MEI4: variants seen among roughly 807,000 people sequenced by gnomAD.
MEI4 encodes meiosis-specific protein MEI4.
A neutral mutation model predicts 31.4 loss-of-function variants in MEI4; 27 were observed. That is an observed-to-expected ratio of 0.86 (90% CI 0.63 to 1.19). The LOEUF is 1.19. Ranked by LOEUF, MEI4 falls within the 50% of genes most tolerant of loss-of-function variation. The probability of loss-of-function intolerance (pLI) is 0.00; values close to 1 mark genes in which losing one functional copy is unlikely to be tolerated. For missense variants in MEI4, 329 were observed against 398.9 expected (o/e 0.82, Z 1.49); for synonymous variants, 122 against 145.4 (o/e 0.84, Z 1.16).
At chr6:77,704,874 T>C (rs2127657792) in intron 2 of MEI4, among the ~76,000 whole-genome samples, 1 of 152,230 alleles carries the variant, frequency 6.6e-6, no homozygotes, top group South Asian at 2.1e-4. Context: ...GGCCGGCTTC[T>C]GAAAGATTTC....
At chr6:77,664,562 T>C (rs888914444) in intron 1 of MEI4, among the ~76,000 whole-genome samples, 18 of 151,156 alleles carry the variant, frequency 1.2e-4, no homozygotes, top group Admixed American at 4.0e-4. Context: ...GGTGGAGGAG[T>C]GGAGGCTGAG....
intron 3 of MEI4, among the ~76,000 whole-genome samples, chr6:77,792,401 G>C (rs1291221779): frequency 6.6e-6 from 1 of 152,096 alleles, no homozygotes; most frequent in East Asian, 1.9e-4. Flanking sequence ...TATAATGACA[G>C]TACTGATTTA....
At chr6:77,765,722 A>G (rs921737229) in intron 3 of MEI4, among the ~76,000 whole-genome samples, 1 of 150,256 alleles carries the variant, frequency 6.7e-6, no homozygotes, top group Non-Finnish European at 1.5e-5. Flanking sequence ...ATGCTGCTAT[A>G]AAGACACATG....
chr6:77,733,869 C>T (rs1037365480), intron 2 of MEI4, among the ~76,000 whole-genome samples: 1 of 152,030 alleles, frequency 6.6e-6, no homozygotes, highest in South Asian at 2.1e-4. Flanking sequence ...TTATTTCTGC[C>T]TTCATTTTGT....
At chr6:77,775,401 C>T (rs1768414853) in intron 3 of MEI4, among the ~76,000 whole-genome samples, 1 of 152,108 alleles carries the variant, frequency 6.6e-6, no homozygotes, top group Non-Finnish European at 1.5e-5. Flanking sequence ...GTCTTCATAG[C>T]ATAGCTCCCA....
chr6:77,894,871 A>G (rs1438164336), intron 4 of MEI4, among the ~76,000 whole-genome samples: 1 of 152,110 alleles, frequency 6.6e-6, no homozygotes, highest in Non-Finnish European at 1.5e-5. Context: ...TGGCTCCTGT[A>G]TTTTGCCTGG....
Position 77,923,443 on chromosome 6 carries a change from AT to A in MEI4, c.*101del, listed in dbSNP as rs1766759144. The A allele has an allele frequency of 2.1e-6, 2 of 940,186 alleles. No individual in the cohort carries two copies. The highest frequency in any genetic ancestry group is 5.6e-5 in the South Asian group (1 of 17,942). The allele number at this position is 940,186 out of a possible 1,614,324, so 58.2% of individuals were successfully genotyped here. On this transcript the variant is annotated 3_prime_UTR_variant, in exon 5 of 5. Transcript: ENST00000684080. ...GATTTTCAATAGTATTTTAATTAGC[AT>A]TTTAGAATTGATCTCTAAATATAAT...
intron 2 of MEI4, among the ~76,000 whole-genome samples, chr6:77,714,102 A>G (rs59599443): frequency 0.092 from 14,003 of 152,096 alleles, 937 homozygotes; most frequent in East Asian, 0.31. Flanking sequence ...TCCATGTTGT[A>G]TATGTACCAC....
chr6:77,696,871 T>C (rs539835440), intron 2 of MEI4, among the ~76,000 whole-genome samples: 106 of 152,374 alleles, frequency 7.0e-4, no homozygotes, highest in Non-Finnish European at 1.2e-3. Context: ...TCTGGTAGAA[T>C]TCGGCTGTGA....
chr6:77,727,466 G>A (rs1766857649), intron 2 of MEI4, among the ~76,000 whole-genome samples: 1 of 152,108 alleles, frequency 6.6e-6, no homozygotes. Flanking sequence ...CTGAACTATT[G>A]ATTCCAAAAT....
At chr6:77,770,264 T>G (rs964736860) in intron 3 of MEI4, among the ~76,000 whole-genome samples, 2 of 151,892 alleles carry the variant, frequency 1.3e-5, no homozygotes, top group African/African-American at 4.8e-5. Flanking sequence ...CTACCAAGAT[T>G]GAACCATGAA....
At chr6:77,822,120 C>A (rs1446713618) in intron 3 of MEI4, among the ~76,000 whole-genome samples, 1 of 151,962 alleles carries the variant, frequency 6.6e-6, no homozygotes, top group Non-Finnish European at 1.5e-5. Flanking sequence ...TTCTTTCTTA[C>A]GAATTCTGCA....
intron 1 of MEI4, among the ~76,000 whole-genome samples, chr6:77,683,065 C>G (rs1416577614): frequency 6.6e-6 from 1 of 152,118 alleles, no homozygotes; most frequent in Non-Finnish European, 1.5e-5. Context: ...TTCCCCTTGT[C>G]TACACCTAAG....
chr6:77,923,109 G>C lies in MEI4; in HGVS notation c.921G>C (p.Val307=). 8.1e-7 allele frequency: 1 copy of C among 1,230,230 alleles called. No individual in the cohort carries two copies. Among genetic ancestry groups the C allele is most frequent in the Non-Finnish European group, 1.0e-6 (1 of 986,606 alleles). 76.2% of individuals were successfully genotyped at this position (1,230,230 alleles called of 1,614,324 possible). Residue 307 remains valine, a synonymous_variant, in exon 5 of 5, where the codon GTG becomes GTC. Transcript: ENST00000684080. ...TGTAGGAGCAAGCCAGTTATGATGT[G>C]TCACGCTATGAAAACATTTTCTACC... The part of the protein sequence containing the change: ...AINQEQASYD[V]SRYENIFYLF...
chr6:77,711,221 C>T (rs2127659926), intron 2 of MEI4, among the ~76,000 whole-genome samples: 1 of 152,048 alleles, frequency 6.6e-6, no homozygotes, highest in Non-Finnish European at 1.5e-5. Context: ...ATGAAAATTG[C>T]CAAGAGTAGA....
intron 2 of MEI4, among the ~76,000 whole-genome samples, chr6:77,755,799 CAA>C (rs1767900257): frequency 6.7e-6 from 1 of 149,272 alleles, no homozygotes; most frequent in African/African-American, 2.5e-5. Context: ...AAACATGAAA[CAA>C]TATGTGTCAA....
intron 1 of MEI4, among the ~76,000 whole-genome samples, chr6:77,665,250 G>A (rs1403515321): frequency 6.6e-6 from 1 of 151,222 alleles, no homozygotes; most frequent in Non-Finnish European, 1.5e-5. Flanking sequence ...GAGATATGAG[G>A]TAGGGGTGCG....
At chr6:77,737,958 G>A (rs183791674) in intron 2 of MEI4, among the ~76,000 whole-genome samples, 86 of 152,274 alleles carry the variant, frequency 5.6e-4, no homozygotes, top group Middle Eastern at 3.4e-3. Flanking sequence ...TAGCAAGGAA[G>A]GAAAGCTGGT....
chr6:77,757,589 G>A (rs987854012), intron 2 of MEI4, among the ~76,000 whole-genome samples: 1 of 152,114 alleles, frequency 6.6e-6, no homozygotes, highest in African/African-American at 2.4e-5. Flanking sequence ...GAGAAAAACT[G>A]GCAATCACCT....
Sources: allele counts gnomAD v4.1 joint callset (sites outside exome capture counted in the v4.1 genomes callset), GRCh38; gene constraint gnomAD v4.1.1; transcripts MANE v1.5; gene names NCBI Gene and HGNC (gene_info 2026-07-23, HGNC 2026-07-21).